Variants in SLIT2 observed in about 807,000 individuals in gnomAD.
The protein encoded by SLIT2 is slit homolog 2 protein.
Under a neutral mutation model 185.7 loss-of-function variants are expected in SLIT2, and 41 were observed. The observed-to-expected ratio is 0.22, with a 90% confidence interval of 0.17 to 0.29. SLIT2 has a LOEUF of 0.29. SLIT2 is among the 10% of genes least tolerant of loss of function. The pLI is 1.00. For synonymous variants in SLIT2, 693 were observed against 680.2 expected (o/e 1.02, Z -0.29); for missense variants, 1,571 against 1,909.0 (o/e 0.82, Z 3.30).
At chr4:20,436,389 G>A (rs1321312323) in intron 4 of SLIT2, among the ~76,000 whole-genome samples, 1 of 152,164 alleles carries the variant, frequency 6.6e-6, no homozygotes, top group Non-Finnish European at 1.5e-5. Context: ...AAAATCTGGA[G>A]TCATCCCAGG....
rs1271279922 is a variant in SLIT2 at position 20,518,557 on chromosome 4, G to GTGTATATATATATATATATATA, written c.1059-824_1059-823insGTATATATATATATATATATAT. Among the ~76,000 whole-genome samples, 135 of 17,856 alleles carry GTGTATATATATATATATATATA rather than the reference G, an allele frequency of 7.6e-3. 27 individuals are homozygous for GTGTATATATATATATATATATA. Among genetic ancestry groups the GTGTATATATATATATATATATA allele is most frequent in the East Asian group, 0.015 (8 of 540 alleles). The allele number at this position is 17,856 out of a possible 152,430, so 11.7% of individuals were successfully genotyped here. On this transcript the variant is annotated intron_variant, in intron 11 of 36. Transcript: ENST00000504154. Reference sequence around the variant, plus strand: ...ATGAGCCACTGTGCCCAGCCTATATGTATATATATATATATATATATATAT... The same window carrying GTGTATATATATATATATATATA: ...ATGAGCCACTGTGCCCAGCCTATATGTGTATATATATATATATATATATATATATATATATATATATATATAT...
intron 4 of SLIT2, among the ~76,000 whole-genome samples, chr4:20,394,134 A>G (rs778776743): frequency 6.6e-6 from 1 of 151,968 alleles, no homozygotes; most frequent in Non-Finnish European, 1.5e-5. Context: ...TCATTTGACT[A>G]CTTCAGATGG....
At chr4:20,472,478 A>ATATATCTATATAGATATATC (rs1715449220) in intron 5 of SLIT2, among the ~76,000 whole-genome samples, 1 of 29,528 alleles carries the variant, frequency 3.4e-5, no homozygotes, top group Non-Finnish European at 5.0e-5. Flanking sequence ...ATATATAGAT[A>ATATATCTATATAGATATATC]TATATCTATA....
chr4:20,477,360 G>A (rs982294490), intron 5 of SLIT2, among the ~76,000 whole-genome samples: 1 of 151,956 alleles, frequency 6.6e-6, no homozygotes, highest in Admixed American at 6.6e-5. Context: ...CGCCACGCCT[G>A]GCTAATTTTT....
chr4:20,445,024 G>T (rs186646734), intron 4 of SLIT2, among the ~76,000 whole-genome samples: 53 of 152,136 alleles, frequency 3.5e-4, no homozygotes, highest in African/African-American at 1.2e-3. Flanking sequence ...AATATCTCAT[G>T]CATCAAATGG....
intron 4 of SLIT2, among the ~76,000 whole-genome samples, chr4:20,446,345 C>T (rs568045736): frequency 6.6e-6 from 1 of 152,118 alleles, no homozygotes; most frequent in African/African-American, 2.4e-5. Flanking sequence ...GGTTCCCATC[C>T]GGCCTGAACA....
intron 4 of SLIT2, among the ~76,000 whole-genome samples, chr4:20,423,388 A>T (rs1041942046): frequency 2.7e-5 from 4 of 148,006 alleles, no homozygotes; most frequent in African/African-American, 1.0e-4. Flanking sequence ...AAAGTAAAGA[A>T]CTTATTAAAA....
At chr4:20,273,039 C>G (rs1713791781) in intron 4 of SLIT2, among the ~76,000 whole-genome samples, 1 of 152,084 alleles carries the variant, frequency 6.6e-6, no homozygotes, top group South Asian at 2.1e-4. Flanking sequence ...TTCAGATTCT[C>G]AAAATTGCTT....
chr4:20,431,332 A>G (rs1262619296), intron 4 of SLIT2, among the ~76,000 whole-genome samples: 1 of 152,150 alleles, frequency 6.6e-6, no homozygotes, highest in Non-Finnish European at 1.5e-5. Context: ...GGAAAATTAG[A>G]TGCTAGGAGG....
chr4:20,369,131 T>C (rs181640556), intron 4 of SLIT2, among the ~76,000 whole-genome samples: 1 of 152,220 alleles, frequency 6.6e-6, no homozygotes, highest in Admixed American at 6.5e-5. Flanking sequence ...TCCTTTCTCT[T>C]TCTTTCCCAA....
At chr4:20,487,096 T>C (rs1159429740) in intron 7 of SLIT2, among the ~76,000 whole-genome samples, 1 of 152,156 alleles carries the variant, frequency 6.6e-6, no homozygotes, top group Non-Finnish European at 1.5e-5. Flanking sequence ...ATATTAATTT[T>C]ATTTTCTTAA....
chr4:20,369,131 T>G (rs181640556), intron 4 of SLIT2, among the ~76,000 whole-genome samples: 2 of 152,102 alleles, frequency 1.3e-5, no homozygotes, highest in Admixed American at 1.3e-4. Context: ...TCCTTTCTCT[T>G]TCTTTCCCAA....
chr4:20,301,962 A>G (rs892451471), intron 4 of SLIT2, among the ~76,000 whole-genome samples: 4 of 152,192 alleles, frequency 2.6e-5, no homozygotes, highest in African/African-American at 9.6e-5. Context: ...CTTGCCTTGT[A>G]GTTTATAAGG....
chr4:20,429,274 T>C (rs183207684), intron 4 of SLIT2, among the ~76,000 whole-genome samples: 53 of 152,310 alleles, frequency 3.5e-4, no homozygotes, highest in African/African-American at 1.2e-3. Flanking sequence ...TTTTTTCATA[T>C]GTTTCAATGA....
intron 29 of SLIT2, among the ~76,000 whole-genome samples, chr4:20,576,617 C>T (rs529744612): frequency 3.3e-5 from 5 of 152,232 alleles, no homozygotes; most frequent in South Asian, 2.1e-4. Flanking sequence ...ATAAGGGAAA[C>T]GTTAAGTTGC....
At chr4:20,610,951 G>C (rs1729167341) in intron 34 of SLIT2, among the ~76,000 whole-genome samples, 1 of 152,146 alleles carries the variant, frequency 6.6e-6, no homozygotes, top group African/African-American at 2.4e-5. Flanking sequence ...GACCCGCAAA[G>C]GAGAGAGGTC....
intron 4 of SLIT2, among the ~76,000 whole-genome samples, chr4:20,463,448 G>GATAGATATATATATATATAT (rs1459962322): frequency 2.4e-4 from 16 of 67,302 alleles, no homozygotes; most frequent in Non-Finnish European, 4.1e-4. Context: ...CTCAAACTGT[G>GATAGATATATATATATATAT]ATATATATAT....
intron 4 of SLIT2, among the ~76,000 whole-genome samples, chr4:20,346,556 C>A (rs1318363519): frequency 1.3e-5 from 2 of 152,098 alleles, no homozygotes; most frequent in African/African-American, 4.8e-5. Context: ...GTACTAATAG[C>A]ATATATGGAT....
intron 31 of SLIT2, 53 bp downstream of exon 31, chr4:20,595,887 G>T: frequency 6.9e-7 from 1 of 1,457,544 alleles, no homozygotes; most frequent in Non-Finnish European, 9.6e-7. Flanking sequence ...AGCACAACAG[G>T]GTGACTATAG....
Sources: gnomAD v4.1 joint callset for allele counts (sites outside exome capture counted in the v4.1 genomes callset) on GRCh38, gnomAD v4.1.1 for gene constraint, MANE v1.5 for transcripts, NCBI Gene and HGNC (gene_info 2026-07-23, HGNC 2026-07-21) for gene names.